The following CRPPA variants were observed in gnomAD, a reference collection of about 807,000 sequenced individuals.
The protein encoded by CRPPA is D-ribitol-5-phosphate cytidylyltransferase.
Under a neutral mutation model 52.0 loss-of-function variants are expected in CRPPA, and 43 were observed. The ratio of observed to expected loss-of-function variants is 0.83; its 90% confidence interval spans 0.65 to 1.07. The LOEUF (loss-of-function observed/expected upper bound fraction) is 1.07. CRPPA is among the 50% of genes least tolerant of loss of function. The pLI, the probability that CRPPA is intolerant of heterozygous loss-of-function variation, is 0.00. For missense variants in CRPPA, 629 were observed against 551.7 expected, an observed-to-expected ratio of 1.14 and a Z score of -1.40; for synonymous variants, 250 against 203.5, an observed-to-expected ratio of 1.23 and a Z score of -1.94.
intron 9 of CRPPA, among the ~76,000 whole-genome samples, chr7:16,175,886 G>A (rs547554154): frequency 6.6e-6 from 1 of 152,134 alleles, no homozygotes; most frequent in Non-Finnish European, 1.5e-5. Context: ...AAATTAAACT[G>A]TATAAATGTC....
intron 9 of CRPPA, among the ~76,000 whole-genome samples, chr7:16,200,932 G>T (rs1000507918): frequency 6.6e-6 from 1 of 152,228 alleles, no homozygotes; most frequent in Non-Finnish European, 1.5e-5. Context: ...TCCAAAAGGA[G>T]TCCTATTCTT....
At chr7:16,201,453 G>A (rs993382697) in intron 9 of CRPPA, among the ~76,000 whole-genome samples, 18 of 152,060 alleles carry the variant, frequency 1.2e-4, no homozygotes, top group Non-Finnish European at 2.5e-4. Flanking sequence ...AACCATAAAC[G>A]AAATGGCACA....
chr7:16,232,170 A>G (rs1370495170), intron 8 of CRPPA, among the ~76,000 whole-genome samples: 1 of 152,214 alleles, frequency 6.6e-6, no homozygotes. Context: ...CAATGCACAC[A>G]CAGGGTTGGA....
At chr7:16,393,686 CA>C (rs1368822593) in intron 2 of CRPPA, among the ~76,000 whole-genome samples, 1 of 151,830 alleles carries the variant, frequency 6.6e-6, no homozygotes, top group African/African-American at 2.4e-5. Context: ...CAGGCAAAAA[CA>C]AAAACCATAA....
At chr7:16,395,482 A>G (rs1245770233) in intron 2 of CRPPA, among the ~76,000 whole-genome samples, 1 of 152,238 alleles carries the variant, frequency 6.6e-6, no homozygotes, top group Non-Finnish European at 1.5e-5. Flanking sequence ...GCAGAACGGC[A>G]TCTCTAAAGC....
intron 2 of CRPPA, among the ~76,000 whole-genome samples, chr7:16,389,913 C>CAAAAA (rs1163092089): frequency 1.2e-4 from 4 of 34,314 alleles, no homozygotes; most frequent in South Asian, 1.7e-3. Flanking sequence ...GCCTAGTATA[C>CAAAAA]AAAAAAAAAA....
At chr7:16,399,574 CAT>C (rs1167036814) in intron 2 of CRPPA, among the ~76,000 whole-genome samples, 2 of 151,878 alleles carry the variant, frequency 1.3e-5, no homozygotes, top group African/African-American at 4.8e-5. Context: ...ACGTTTGTGA[CAT>C]GTGACAAGCG....
intron 8 of CRPPA, among the ~76,000 whole-genome samples, chr7:16,222,976 T>C (rs534050933): frequency 6.6e-6 from 1 of 152,254 alleles, no homozygotes; most frequent in South Asian, 2.1e-4. Flanking sequence ...CTAACTATTT[T>C]TAAATACACA....
intron 5 of CRPPA, among the ~76,000 whole-genome samples, chr7:16,286,097 A>AAAAAAAAAATAT: frequency 1.8e-4 from 7 of 39,118 alleles, no homozygotes; most frequent in East Asian, 6.2e-4. Context: ...TAAAAAAAAA[A>AAAAAAAAAATAT]ATATATATAT....
rs183141256 is a variant in CRPPA, at chr7:16,406,235, G to A, written c.360C>T (p.Val120=). Residue 120 remains valine (V), a synonymous_variant, in exon 2 of 10, where the codon GTC becomes GTT. Transcript: ENST00000407010. ...ACCTGTGGCGGGTCACTCCAGCTTCGACCAGTGAGATGCGTTTATGCTGAT... is the reference window on the plus strand; with the variant it reads ...ACCTGTGGCGGGTCACTCCAGCTTCAACCAGTGAGATGCGTTTATGCTGAT... ...QKYQHKRISL[V]EAGVTRHRSI... 269 of 1,613,780 alleles carry A rather than the reference G, an allele frequency of 1.7e-4. No homozygotes were observed. The African/African-American group carries it at 3.2e-3, about 19-fold the overall frequency.
At chr7:16,404,099 A>C (rs1222783701) in intron 2 of CRPPA, among the ~76,000 whole-genome samples, 1 of 152,194 alleles carries the variant, frequency 6.6e-6, no homozygotes, top group Non-Finnish European at 1.5e-5. Flanking sequence ...ACTTGAAAAA[A>C]TTCTTAAACA....
At chr7:16,244,421 T>C (rs939133453) in intron 8 of CRPPA, among the ~76,000 whole-genome samples, 5 of 152,196 alleles carry the variant, frequency 3.3e-5, no homozygotes, top group Non-Finnish European at 7.3e-5. Flanking sequence ...GGAGAAATAA[T>C]ATAGATGAGG....
At chr7:16,112,236 A>C (rs369868425) in intron 9 of CRPPA, among the ~76,000 whole-genome samples, 1 of 152,204 alleles carries the variant, frequency 6.6e-6, no homozygotes, top group East Asian at 1.9e-4. Flanking sequence ...AATTTCTTAA[A>C]CCTGGGAGGC....
At chr7:16,265,816 CGGGCAGG>C (rs1783938233) in intron 6 of CRPPA, among the ~76,000 whole-genome samples, 1 of 152,112 alleles carries the variant, frequency 6.6e-6, no homozygotes, top group African/African-American at 2.4e-5. Flanking sequence ...CACCTATGCA[CGGGCAGG>C]TATTATCATC....
chr7:16,357,669 G>A, intron 3 of CRPPA, among the ~76,000 whole-genome samples: 1 of 152,154 alleles, frequency 6.6e-6, no homozygotes, highest in East Asian at 1.9e-4. Flanking sequence ...CTATCATTCA[G>A]CATTCAGTCA....
At chr7:16,215,974 T>C in intron 9 of CRPPA, 92 bp downstream of exon 9, 3 of 997,392 alleles carry the variant, frequency 3.0e-6, no homozygotes, top group Non-Finnish European at 4.4e-6. Context: ...ATTTCACTTA[T>C]CAATAATATC....
At chr7:16,106,949 A>T (rs900992248) in intron 9 of CRPPA, among the ~76,000 whole-genome samples, 2 of 152,144 alleles carry the variant, frequency 1.3e-5, no homozygotes, top group African/African-American at 2.4e-5. Context: ...AAAATTAGAT[A>T]AAAATCCTAG....
intron 1 of CRPPA, among the ~76,000 whole-genome samples, chr7:16,408,087 G>A (rs1344492578): frequency 6.8e-6 from 1 of 146,762 alleles, no homozygotes; most frequent in Non-Finnish European, 1.5e-5. Flanking sequence ...TAGCCTGGGC[G>A]ACAGAGCAGG....
At chr7:16,114,889 A>G (rs1782339700) in intron 9 of CRPPA, among the ~76,000 whole-genome samples, 1 of 152,082 alleles carries the variant, frequency 6.6e-6, no homozygotes, top group African/African-American at 2.4e-5. Context: ...ATAAGAGAGA[A>G]CTTAATAAAT....
Sources: gnomAD v4.1 joint callset for allele counts (sites outside exome capture counted in the v4.1 genomes callset) on GRCh38, gnomAD v4.1.1 for gene constraint, MANE v1.5 for transcripts, NCBI Gene and HGNC (gene_info 2026-07-23, HGNC 2026-07-21) for gene names.